The following AKT3 variants were observed in gnomAD, a reference collection of about 807,000 sequenced individuals.
AKT3 encodes RAC-gamma serine/threonine-protein kinase.
In AKT3, 15 loss-of-function variants were observed where a neutral mutation model predicts 65.3. That is an observed-to-expected ratio of 0.23 (90% confidence interval 0.15 to 0.35). The LOEUF is 0.35. Among genes scored for constraint, AKT3 ranks in the 10% least tolerant of loss-of-function variants. The pLI, the probability that AKT3 is intolerant of heterozygous loss-of-function variation, is 1.00. For synonymous variants in AKT3, 206 were observed against 183.8 expected, an observed-to-expected ratio of 1.12 and a Z score of -0.98; for missense variants, 243 against 576.5, an observed-to-expected ratio of 0.42 and a Z score of 5.92.
rs537056564 is a variant in AKT3, at chr1:243,605,091, C to T, written c.696+8580G>A. On this transcript the variant is annotated intron_variant, in intron 8 of 13. Coordinates refer to ENST00000673466, the MANE Select transcript of AKT3 (RefSeq NM_005465.7). Reference sequence around the variant, plus strand: ...CCACGCTGGAGTGCAGTAGCACAACCATGGCTCACTATAACCCTGAGTTCC... The same window carrying T: ...CCACGCTGGAGTGCAGTAGCACAACTATGGCTCACTATAACCCTGAGTTCC... 3.3e-5 allele frequency among the ~76,000 whole-genome samples: 5 copies of T among 152,308 alleles called. No individual in the cohort carries two copies. In the East Asian group the frequency reaches 9.6e-4, roughly 29 times the overall value.
In AKT3 at chr1:243,501,775, A is replaced by AT. The variant is rs1237566929; in HGVS notation, c.*3473dup. On this transcript the variant is annotated 3_prime_UTR_variant, in exon 14 of 14. Transcript: ENST00000673466. ...ATAAACAGAGAAGTAGCAGATTGAC[A>AT]TAGTGCTTTATTTAAGCTGTCTGTA... 2 of 232,862 alleles carry AT rather than the reference A, an allele frequency of 8.6e-6. No homozygotes were observed. Among genetic ancestry groups the AT allele is most frequent in the Admixed American group, 1.1e-4 (2 of 17,768 alleles). The allele number at this position is 232,862 out of a possible 1,614,324, so 14.4% of individuals were successfully genotyped here.
At chr1:243,645,738 C>A (rs1056048756) in intron 5 of AKT3, among the ~76,000 whole-genome samples, 155 bp downstream of exon 5, 3 of 152,184 alleles carry the variant, frequency 2.0e-5, no homozygotes, top group Non-Finnish European at 4.4e-5. Context: ...TGGTTTTAAA[C>A]AACAACAGGT....
At chr1:243,759,379 G>A (rs1689351192) in intron 2 of AKT3, among the ~76,000 whole-genome samples, 1 of 150,774 alleles carries the variant, frequency 6.6e-6, no homozygotes, top group African/African-American at 2.5e-5. Context: ...AATAATACAA[G>A]GACAAATTTG....
chr1:243,810,240 G>A (rs1572389028), intron 2 of AKT3, among the ~76,000 whole-genome samples: 1 of 152,084 alleles, frequency 6.6e-6, no homozygotes, highest in Non-Finnish European at 1.5e-5. Flanking sequence ...TCCAGGAGAT[G>A]GTTTTTTGAA....
At chr1:243,589,156 A>C (rs989854536) in intron 8 of AKT3, among the ~76,000 whole-genome samples, 2 of 151,772 alleles carry the variant, frequency 1.3e-5, no homozygotes, top group Non-Finnish European at 2.9e-5. Context: ...AAATACAAAA[A>C]TCAGCCAGGC....
At chr1:243,622,649 C>T (rs963391293) in intron 6 of AKT3, among the ~76,000 whole-genome samples, 2 of 152,158 alleles carry the variant, frequency 1.3e-5, no homozygotes, top group African/African-American at 4.8e-5. Flanking sequence ...AGAATAGAAG[C>T]TACACGAACT....
intron 2 of AKT3, among the ~76,000 whole-genome samples, chr1:243,842,141 T>TA (rs1257514441): frequency 6.6e-6 from 1 of 152,186 alleles, no homozygotes; most frequent in African/African-American, 2.4e-5. Context: ...TTACATTGCT[T>TA]AATTTTATTA....
chr1:243,608,530 A>T (rs1213181065), intron 8 of AKT3, among the ~76,000 whole-genome samples: 1 of 152,060 alleles, frequency 6.6e-6, no homozygotes, highest in African/African-American at 2.4e-5. Flanking sequence ...GGTATTATGA[A>T]CTTACCAGAG....
intron 10 of AKT3, among the ~76,000 whole-genome samples, chr1:243,553,905 TA>T (rs1195409046): frequency 6.6e-6 from 1 of 152,218 alleles, no homozygotes; most frequent in Non-Finnish European, 1.5e-5. Flanking sequence ...AAGCTTATTT[TA>T]TTTGATCCTC....
At chr1:243,725,865 T>C (rs986727209) in intron 2 of AKT3, among the ~76,000 whole-genome samples, 3 of 152,314 alleles carry the variant, frequency 2.0e-5, no homozygotes, top group Admixed American at 2.0e-4. Flanking sequence ...ATAAGCAATA[T>C]ATATGTTGTT....
chr1:243,659,705 C>T (rs1682128157), intron 4 of AKT3, among the ~76,000 whole-genome samples: 2 of 151,936 alleles, frequency 1.3e-5, no homozygotes, highest in South Asian at 4.2e-4. Flanking sequence ...TAGAGTCCAC[C>T]CTTATATCAT....
At chr1:243,568,822 CT>C (rs1297859682) in intron 9 of AKT3, among the ~76,000 whole-genome samples, 12 of 152,174 alleles carry the variant, frequency 7.9e-5, no homozygotes, top group Admixed American at 7.9e-4. Flanking sequence ...TCTCTGAACA[CT>C]TTGCAGGCCG....
intron 2 of AKT3, among the ~76,000 whole-genome samples, chr1:243,726,998 G>A (rs557595587): frequency 7.9e-5 from 12 of 152,318 alleles, no homozygotes; most frequent in South Asian, 6.2e-4. Flanking sequence ...AGAGATGTCA[G>A]TATTGTGGTA....
intron 10 of AKT3, among the ~76,000 whole-genome samples, chr1:243,553,383 C>G (rs1048633934): frequency 1.3e-5 from 2 of 152,104 alleles, no homozygotes; most frequent in African/African-American, 2.4e-5. Context: ...TTAAGAAGAA[C>G]TAAGTAATAC....
intron 2 of AKT3, among the ~76,000 whole-genome samples, chr1:243,776,105 A>G (rs1690525581): frequency 6.6e-6 from 1 of 152,154 alleles, no homozygotes; most frequent in Non-Finnish European, 1.5e-5. Context: ...TTCTTCCTAC[A>G]TTGCCCTTCT....
chr1:243,712,094 C>T (rs1441641140), intron 2 of AKT3, among the ~76,000 whole-genome samples: 2 of 152,200 alleles, frequency 1.3e-5, no homozygotes, highest in African/African-American at 2.4e-5. Flanking sequence ...TGGCATACTG[C>T]TCGCCTCCAA....
intron 2 of AKT3, among the ~76,000 whole-genome samples, chr1:243,820,459 A>G (rs2148421449): frequency 6.6e-6 from 1 of 152,362 alleles, no homozygotes; most frequent in Admixed American, 6.5e-5. Context: ...GCTTAGATGA[A>G]CTGACAGAAG....
intron 2 of AKT3, among the ~76,000 whole-genome samples, chr1:243,768,877 T>C (rs1689996941): frequency 2.0e-5 from 3 of 148,408 alleles, no homozygotes; most frequent in African/African-American, 7.5e-5. Flanking sequence ...ACCATAAAAA[T>C]CGCCATTTTA....
chr1:243,666,386 T>A (rs1020469698), intron 3 of AKT3, among the ~76,000 whole-genome samples: 8 of 152,178 alleles, frequency 5.3e-5, no homozygotes, highest in African/African-American at 1.9e-4. Context: ...ACAGTTTACA[T>A]GTTTTCAGCA....
Sources: gnomAD v4.1 joint callset for allele counts (sites outside exome capture counted in the v4.1 genomes callset) on GRCh38, gnomAD v4.1.1 for gene constraint, MANE v1.5 for transcripts, NCBI Gene and HGNC (gene_info 2026-07-23, HGNC 2026-07-21) for gene names.